Variants in YTHDC2 observed in about 807,000 individuals in gnomAD.
YTHDC2 encodes the protein YTH N6-methyladenosine RNA binding protein C2.
Under a neutral mutation model 174.9 loss-of-function variants are expected in YTHDC2, and 45 were observed. That is an observed-to-expected ratio of 0.26 (90% CI 0.20 to 0.33). YTHDC2 has a LOEUF of 0.33. YTHDC2 is among the 10% of genes least tolerant of loss of function. The pLI is 1.00. For synonymous variants in YTHDC2, 657 were observed against 574.5 expected, an observed-to-expected ratio of 1.14 and a Z score of -2.05; for missense variants, 1,650 against 1,723.7, an observed-to-expected ratio of 0.96 and a Z score of 0.76.
Position 113,541,087 on chromosome 5 carries a change from G to C in YTHDC2, c.1330G>C (p.Asp444His). 6.2e-7 allele frequency: 1 copy of C among 1,614,140 alleles called. No individual in the cohort carries two copies. The highest frequency in any genetic ancestry group is 8.5e-7 in the Non-Finnish European group (1 of 1,180,010). ...GACTGATGAGTATGACTTACTGGAT[G>C]ATGGTGGTGATGCTGTCTTCAGTCA... is the stretch of plus-strand genomic sequence containing the variant. ...NVTDEYDLLD[D>H]GGDAVFSQLT... The change falls in exon 9 of 30, where the codon GAT becomes CAT. Residue 444 changes from aspartate to histidine, a missense_variant. By Grantham distance (81) the Asp-to-His change is moderately conservative. Coordinates refer to ENST00000161863, the MANE Select transcript of YTHDC2 (RefSeq NM_022828.5).
chr5:113,576,764 G>T (rs753565226), intron 23 of YTHDC2, among the ~76,000 whole-genome samples: 1 of 151,842 alleles, frequency 6.6e-6, no homozygotes, highest in Non-Finnish European at 1.5e-5. Flanking sequence ...TTGAATGATA[G>T]CGTTATAATT....
intron 17 of YTHDC2, 49 bp downstream of exon 17, chr5:113,556,183 C>T (rs770635222): frequency 2.6e-5 from 28 of 1,078,424 alleles, no homozygotes; most frequent in African/African-American, 2.5e-4. Context: ...AAAATGGAAA[C>T]GTTTTTATAT....
intron 24 of YTHDC2, 63 bp from the exon 25 acceptor site, chr5:113,581,354 T>G: frequency 7.2e-7 from 1 of 1,380,112 alleles, no homozygotes; most frequent in Admixed American, 2.8e-5. Flanking sequence ...TGGAAACTAA[T>G]CAACACATAG....
At chr5:113,570,537 G>C (rs2112748836) in intron 23 of YTHDC2, among the ~76,000 whole-genome samples, 1 of 152,266 alleles carries the variant, frequency 6.6e-6, no homozygotes, top group South Asian at 2.1e-4. Flanking sequence ...AGACTTTGCT[G>C]AAGTTGCTTA....
chr5:113,550,750 C>T (rs1251445784), intron 12 of YTHDC2, among the ~76,000 whole-genome samples: 1 of 151,892 alleles, frequency 6.6e-6, no homozygotes, highest in South Asian at 2.1e-4. Context: ...AACCATTTAC[C>T]ACCACTATGT....
intron 2 of YTHDC2, among the ~76,000 whole-genome samples, chr5:113,518,477 C>G (rs1048250384): frequency 1.3e-5 from 2 of 151,946 alleles, no homozygotes; most frequent in African/African-American, 4.8e-5. Flanking sequence ...ACTAAGATTA[C>G]AGACATGAGC....
chr5:113,533,054 A>C lies in YTHDC2; in HGVS notation c.842+9A>C. The C allele has an allele frequency of 6.2e-7, 1 of 1,613,256 alleles. No homozygotes were observed. Among genetic ancestry groups the C allele is most frequent in the African/African-American group, 1.3e-5 (1 of 74,812 alleles). ...ATCCGATTAGAAAGCAGGTAAAAAC[A>C]GTTCTCATGTATCTTCTCTTTTATC... On this transcript the variant is annotated intron_variant, in intron 5 of 29. Coordinates refer to ENST00000161863, the MANE Select transcript of YTHDC2 (RefSeq NM_022828.5).
intron 20 of YTHDC2, among the ~76,000 whole-genome samples, chr5:113,564,789 C>T (rs1164461292): frequency 6.6e-6 from 1 of 152,052 alleles, no homozygotes; most frequent in Non-Finnish European, 1.5e-5. Flanking sequence ...CTCAAATCTT[C>T]TTGAATGTCG....
chr5:113,563,838 GT>G lies in YTHDC2; in HGVS notation c.2443-19del. ...AAACAGTTTGCTCACATCAAAGTCT[GT>G]TCTGTCTCCTTTTACTTAGACAATA... is the stretch of plus-strand genomic sequence containing the variant. On this transcript the variant is annotated intron_variant, in intron 19 of 29. Coordinates refer to ENST00000161863, the MANE Select transcript of YTHDC2 (RefSeq NM_022828.5). 1 of 1,613,532 alleles carries G rather than the reference GT, an allele frequency of 6.2e-7. No individual in the cohort carries two copies. The highest frequency in any genetic ancestry group is 8.5e-7 in the Non-Finnish European group (1 of 1,179,696).
intron 27 of YTHDC2, 31 bp from the exon 28 acceptor site, chr5:113,591,965 C>T: frequency 1.3e-6 from 2 of 1,552,208 alleles, no homozygotes; most frequent in South Asian, 1.2e-5. Flanking sequence ...CTCCTCCTCA[C>T]CTCTATTCCT....
intron 1 of YTHDC2, 74 bp downstream of exon 1, chr5:113,514,156 C>A: frequency 6.5e-7 from 1 of 1,530,952 alleles, no homozygotes; most frequent in Non-Finnish European, 8.8e-7. Context: ...AACGGCGGCC[C>A]ACCGAGTGAT....
intron 17 of YTHDC2, among the ~76,000 whole-genome samples, chr5:113,559,962 G>A (rs1047547852): frequency 3.9e-5 from 6 of 152,108 alleles, no homozygotes; most frequent in Non-Finnish European, 8.8e-5. Context: ...GTTTCTGGAG[G>A]GCCAAAGAAC....
Position 113,542,465 on chromosome 5 carries a change from C to CTCAG in YTHDC2, c.1458_1461dup (p.Val488SerfsTer9), listed in dbSNP as rs781389895. ...CTACATAAAGATATTGATGCCTTTGCTCAGGTCTTTCATCTCATTTTAACT... is the reference window on the plus strand; with the variant it reads ...CTACATAAAGATATTGATGCCTTTGCTCAGTCAGGTCTTTCATCTCATTTTAACT... On this transcript the variant is annotated frameshift_variant, in exon 10 of 30. Transcript: ENST00000161863. LOFTEE classifies it high-confidence loss of function. 1 of 1,610,294 alleles carries CTCAG rather than the reference C, an allele frequency of 6.2e-7. No homozygotes were observed. Among genetic ancestry groups the CTCAG allele is most frequent in the South Asian group, 1.1e-5 (1 of 89,478 alleles).
intron 7 of YTHDC2, among the ~76,000 whole-genome samples, chr5:113,537,415 A>G (rs1479143861): frequency 1.4e-5 from 2 of 145,158 alleles, no homozygotes; most frequent in Non-Finnish European, 3.0e-5. Context: ...GTTTGATAAC[A>G]TTGCTGCTTG....
chr5:113,518,197 T>TG (rs1437733181), intron 2 of YTHDC2, among the ~76,000 whole-genome samples: 1 of 145,722 alleles, frequency 6.9e-6, no homozygotes, highest in Non-Finnish European at 1.5e-5. Context: ...GTTTTTTTGT[T>TG]TTTTTTTTTT....
chr5:113,591,317 A>T, intron 27 of YTHDC2, 73 bp downstream of exon 27: 1 of 1,495,220 alleles, frequency 6.7e-7, no homozygotes. Flanking sequence ...TTAGAAAAAC[A>T]ACTGGCTTTT....
At chr5:113,530,123 T>G (rs1447806808) in intron 4 of YTHDC2, among the ~76,000 whole-genome samples, 1 of 152,218 alleles carries the variant, frequency 6.6e-6, no homozygotes, top group Admixed American at 6.5e-5. Flanking sequence ...TATTTTATTC[T>G]AATAGTTTTA....
At chr5:113,556,794 C>T (rs1776639557) in intron 17 of YTHDC2, among the ~76,000 whole-genome samples, 1 of 152,088 alleles carries the variant, frequency 6.6e-6, no homozygotes, top group Non-Finnish European at 1.5e-5. Context: ...CATAATTTAT[C>T]CTGAGTATGC....
Position 113,591,025 on chromosome 5 carries a change from A to G in YTHDC2, c.3826-16A>G. 1.2e-6 allele frequency: 2 copies of G among 1,609,288 alleles called. No individual in the cohort carries two copies. The highest frequency in any genetic ancestry group is 1.7e-6 in the Non-Finnish European group (2 of 1,177,660). On this transcript the variant is annotated splice_polypyrimidine_tract_variant and intron_variant, in intron 26 of 29. Coordinates refer to ENST00000161863, the MANE Select transcript of YTHDC2 (RefSeq NM_022828.5). The stretch of plus-strand genomic sequence containing the variant: ...AGGTCAGGTTACCTTTCAAGAACTT[A>G]TGTTTTCTTTTATAGGGCTCAAAAT...
Sources: gnomAD v4.1 joint callset for allele counts (sites outside exome capture counted in the v4.1 genomes callset) on GRCh38, gnomAD v4.1.1 for gene constraint, MANE v1.5 for transcripts, NCBI Gene and HGNC (gene_info 2026-07-23, HGNC 2026-07-21) for gene names.